The following AXDND1 variants were observed in gnomAD, a reference collection of about 807,000 sequenced individuals.
AXDND1 encodes the protein axonemal dynein light chain domain containing 1.
Under a neutral mutation model 137.5 loss-of-function variants are expected in AXDND1, and 110 were observed. That is an observed-to-expected ratio of 0.80 (90% confidence interval 0.69 to 0.94). The LOEUF (loss-of-function observed/expected upper bound fraction) is 0.94. Among genes scored for constraint, AXDND1 ranks in the 40% least tolerant of loss-of-function variants. The pLI, the probability that AXDND1 is intolerant of heterozygous loss-of-function variation, is 0.00. For synonymous variants in AXDND1, 414 were observed against 399.7 expected (o/e 1.04, Z -0.43); for missense variants, 1,191 against 1,169.8 (o/e 1.02, Z -0.26).
At chr1:179,415,537 T>C (rs1654562653) in intron 12 of AXDND1, among the ~76,000 whole-genome samples, 1 of 152,194 alleles carries the variant, frequency 6.6e-6, no homozygotes, top group Non-Finnish European at 1.5e-5. Flanking sequence ...TGTACAATTA[T>C]ATGTTTTTTA....
At chr1:179,531,655 A>G (rs947971369) in intron 23 of AXDND1, among the ~76,000 whole-genome samples, 15 of 152,162 alleles carry the variant, frequency 9.9e-5, no homozygotes, top group Non-Finnish European at 1.8e-4. Flanking sequence ...TCCAAAGCTG[A>G]TAGGAGCACC....
chr1:179,441,018 G>C (rs1018268174), intron 15 of AXDND1, among the ~76,000 whole-genome samples: 2 of 152,156 alleles, frequency 1.3e-5, no homozygotes, highest in African/African-American at 4.8e-5. Context: ...AATAAAATAA[G>C]TTTGTCCACC....
At chr1:179,446,122 C>T (rs1659697258) in intron 16 of AXDND1, among the ~76,000 whole-genome samples, 1 of 152,096 alleles carries the variant, frequency 6.6e-6, no homozygotes. Context: ...GGTTTATTAG[C>T]CACTTATATA....
intron 23 of AXDND1, among the ~76,000 whole-genome samples, chr1:179,532,423 A>T (rs904305407): frequency 3.3e-5 from 5 of 152,196 alleles, no homozygotes; most frequent in African/African-American, 1.2e-4. Flanking sequence ...TAAAAGAACA[A>T]ATAAGTTAGT....
chr1:179,383,642 T>C, intron 8 of AXDND1, 98 bp downstream of exon 8: 2 of 861,484 alleles, frequency 2.3e-6, no homozygotes, highest in Middle Eastern at 2.2e-4. Context: ...TATTTACTAA[T>C]GGCCTTGGAC....
chr1:179,499,992 A>G (rs1667832169), intron 20 of AXDND1, among the ~76,000 whole-genome samples: 1 of 152,162 alleles, frequency 6.6e-6, no homozygotes, highest in East Asian at 1.9e-4. Context: ...CCTATCAAAC[A>G]TTTAATAAAT....
chr1:179,488,637 T>TTCTTTCTTTCTTTCTTTC (rs780547530), intron 18 of AXDND1, among the ~76,000 whole-genome samples: 274 of 23,378 alleles, frequency 0.012, 33 homozygotes, highest in African/African-American at 0.028. Flanking sequence ...TCTCTCTCCT[T>TTCTTTCTTTCTTTCTTTC]TCTTTCTTTC....
At chr1:179,366,341 C>T (rs1029888259) in intron 1 of AXDND1, 63 bp from the exon 2 acceptor site, 2 of 548,140 alleles carry the variant, frequency 3.6e-6, no homozygotes, top group East Asian at 6.3e-5. Flanking sequence ...GCGATCTGAA[C>T]CTAAGTACTC....
intron 12 of AXDND1, among the ~76,000 whole-genome samples, chr1:179,428,086 T>A (rs553852101): frequency 6.6e-6 from 1 of 152,372 alleles, no homozygotes; most frequent in South Asian, 2.1e-4. Flanking sequence ...GAGATCATTG[T>A]CTCATTTTTC....
At position 179,437,410 on chromosome 1, in the gene AXDND1, G is replaced by A. The variant is rs576791081; in HGVS notation, c.1563+5068G>A. Among the ~76,000 whole-genome samples the A allele has an allele frequency of 5.9e-5, 9 of 152,308 alleles. No individual in the cohort carries two copies. In the South Asian group the frequency reaches 1.2e-3, roughly 21 times the overall value. On this transcript the variant is annotated intron_variant, in intron 15 of 25. Transcript: ENST00000367618. ...ATTTCTCAGTAGGTAACTTCAAGGA[G>A]CCTGGTGGCAGGGAGTGATGTCCTT...
rs551511369 is a variant in AXDND1, at chr1:179,551,352, G to A, written c.3032-3160G>A. 1 of 1,614,146 alleles carries A rather than the reference G, an allele frequency of 6.2e-7. No individual in the cohort carries two copies. The highest frequency in any genetic ancestry group is 1.3e-5 in the African/African-American group (1 of 75,044). ...TCTGTGGACAGAGACTGAAGGGTGT[G>A]GAGGTATCGAAGCTGAACGGCAGCA... On this transcript the variant is annotated intron_variant, in intron 25 of 25. Coordinates refer to ENST00000367618, the MANE Select transcript of AXDND1 (RefSeq NM_144696.6).
At chr1:179,374,439 T>C (rs1018336066) in intron 4 of AXDND1, among the ~76,000 whole-genome samples, 9 of 152,264 alleles carry the variant, frequency 5.9e-5, no homozygotes, top group Middle Eastern at 6.8e-3. Context: ...GATCTAGAAC[T>C]AGAAATACCA....
intron 17 of AXDND1, among the ~76,000 whole-genome samples, chr1:179,472,720 G>C (rs1664115714): frequency 6.6e-6 from 1 of 152,022 alleles, no homozygotes; most frequent in Admixed American, 6.6e-5. Flanking sequence ...CTTCCTGATG[G>C]AGTGATCCTT....
At position 179,482,159 on chromosome 1, in the gene AXDND1, A is replaced by G. The variant is rs1008173006; in HGVS notation, c.1998-969A>G. ...TATCTCCAGGCAAAATCTCTGAGCT[A>G]GGGCTCTAGAGCTGGGGGTAGAGAC... is the stretch of plus-strand genomic sequence containing the variant. On this transcript the variant is annotated intron_variant, in intron 17 of 25. Transcript: ENST00000367618. 4.7e-5 allele frequency among the ~76,000 whole-genome samples: 6 copies of G among 127,770 alleles called. No homozygotes were observed. The South Asian group carries it at 7.3e-4, about 15-fold the overall frequency. The allele number at this position is 127,770 out of a possible 152,430, so 83.8% of individuals were successfully genotyped here.
Position 179,491,671 on chromosome 1 carries a change from C to T in AXDND1, c.2225C>T (p.Ala742Val), listed in dbSNP as rs17369441. The T allele has an allele frequency of 0.062, 100,105 of 1,611,106 alleles. 3,578 individuals carry two copies. Among genetic ancestry groups the T allele is most frequent in the Middle Eastern group, 0.081 (492 of 6,058 alleles). ...GCTGAGAAACATGATATAGGAGTTGCGCGATTGGAGCTAGATGCGATTGAA... is the reference window on the plus strand; with the variant it reads ...GCTGAGAAACATGATATAGGAGTTGTGCGATTGGAGCTAGATGCGATTGAA... ...ESAEKHDIGV[A>V]RLELDAIELT... Residue 742 changes from alanine (A) to valine (V), a missense_variant, in exon 19 of 26, where the codon GCG becomes GTG. By Grantham distance (64) the Ala-to-Val change is moderately conservative. Coordinates refer to ENST00000367618, the MANE Select transcript of AXDND1 (RefSeq NM_144696.6).
chr1:179,533,692 G>A lies in AXDND1; in HGVS notation c.2716-103G>A, dbSNP rs1205710812. 6.3e-6 allele frequency: 5 copies of A among 787,484 alleles called. No homozygotes were observed. In the Admixed American group the frequency reaches 1.0e-4, roughly 16 times the overall value. 48.8% of individuals were successfully genotyped at this position (787,484 alleles called of 1,614,324 possible). The stretch of plus-strand genomic sequence containing the variant: ...ATCTATTAGATAGATATGGGTAGTA[G>A]ACAAAGAATATTCTAGAAGGTTTGA... On this transcript the variant is annotated intron_variant, in intron 23 of 25. Coordinates refer to ENST00000367618, the MANE Select transcript of AXDND1 (RefSeq NM_144696.6).
chr1:179,402,351 T>C (rs889746553), intron 11 of AXDND1, among the ~76,000 whole-genome samples: 4 of 152,188 alleles, frequency 2.6e-5, no homozygotes, highest in African/African-American at 9.6e-5. Flanking sequence ...ATACCTTCAA[T>C]CCTACCTTTC....
At chr1:179,467,168 G>T (rs1663314116) in intron 16 of AXDND1, among the ~76,000 whole-genome samples, 1 of 152,020 alleles carries the variant, frequency 6.6e-6, no homozygotes, top group Admixed American at 6.6e-5. Flanking sequence ...TTTGCTCAGT[G>T]CATCATGTGT....
At chr1:179,383,394 T>G (rs1297552423) in intron 7 of AXDND1, 48 bp from the exon 8 acceptor site, 1 of 1,373,946 alleles carries the variant, frequency 7.3e-7, no homozygotes, top group South Asian at 1.2e-5. Context: ...ATTTGAGAAT[T>G]CCCTGTTGCA....
Sources: gnomAD v4.1 joint callset for allele counts (sites outside exome capture counted in the v4.1 genomes callset) on GRCh38, gnomAD v4.1.1 for gene constraint, MANE v1.5 for transcripts, NCBI Gene and HGNC (gene_info 2026-07-23, HGNC 2026-07-21) for gene names.